Variants in ITGB7 observed in about 807,000 individuals in gnomAD.
The protein encoded by ITGB7 is integrin beta-7.
In ITGB7, 55 loss-of-function variants were observed where a neutral mutation model predicts 83.4. The observed-to-expected ratio is 0.66, with a 90% CI of 0.53 to 0.83. The LOEUF (loss-of-function observed/expected upper bound fraction) is 0.83. Ranked by LOEUF, ITGB7 falls within the 40% of genes least tolerant of loss-of-function variation. ITGB7 has a pLI of 0.00. For synonymous variants in ITGB7, 454 were observed against 423.6 expected, an observed-to-expected ratio of 1.07 and a Z score of -0.88; for missense variants, 921 against 1,046.7, an observed-to-expected ratio of 0.88 and a Z score of 1.66.
chr12:53,203,151 T>C (rs755269657), intron 1 of ITGB7, among the ~76,000 whole-genome samples: 1 of 152,166 alleles, frequency 6.6e-6, no homozygotes, highest in Non-Finnish European at 1.5e-5. Context: ...ACCCACAGAA[T>C]GGGAGAAAAT....
At chr12:53,194,095 C>T (rs1472492435) in intron 10 of ITGB7, 103 bp downstream of exon 10, 2 of 1,520,394 alleles carry the variant, frequency 1.3e-6, no homozygotes, top group Non-Finnish European at 1.8e-6. Flanking sequence ...ACCTCAGGCT[C>T]TCATGTCACT....
chr12:53,198,187 CG>C (rs1485212003), intron 3 of ITGB7, among the ~76,000 whole-genome samples: 1 of 152,126 alleles, frequency 6.6e-6, no homozygotes, highest in Non-Finnish European at 1.5e-5. Flanking sequence ...TGGAGTGCTG[CG>C]GTGCTATCTC....
At chr12:53,193,014 A>T in intron 12 of ITGB7, 104 bp from the exon 13 acceptor site, 1 of 1,370,028 alleles carries the variant, frequency 7.3e-7, no homozygotes, top group Non-Finnish European at 1.0e-6. Context: ...AAGTATGCCA[A>T]CCACACCCTC....
rs866331326 is a variant in ITGB7 at position 53,191,474 on chromosome 12, T to C, written c.*82A>G. The C allele has an allele frequency of 1.3e-4, 148 of 1,136,562 alleles. No individual in the cohort carries two copies. In the African/African-American group the frequency reaches 1.9e-3, roughly 15 times the overall value. The allele number at this position is 1,136,562 out of a possible 1,614,324, so 70.4% of individuals were successfully genotyped here. ...AGTGAATTAGTCCCCTACCAAGGTC[T>C]TACAGACCCACCCTTCCTCTCACCC... is the stretch of plus-strand genomic sequence containing the variant. On this transcript the variant is annotated 3_prime_UTR_variant, in exon 16 of 16. Coordinates refer to ENST00000267082, the MANE Select transcript of ITGB7 (RefSeq NM_000889.3).
intron 1 of ITGB7, among the ~76,000 whole-genome samples, chr12:53,204,833 C>CT (rs763869314): frequency 0.044 from 5,713 of 128,990 alleles, 237 homozygotes; most frequent in African/African-American, 0.087. Context: ...TTTTCTTTAC[C>CT]TTTTTTTTTT....
chr12:53,194,158 TC>T, intron 10 of ITGB7, 39 bp downstream of exon 10: 1 of 1,611,308 alleles, frequency 6.2e-7, no homozygotes, highest in African/African-American at 1.3e-5. Flanking sequence ...CACTCCCACC[TC>T]CCCCTGCCCG....
chr12:53,202,607 A>G (rs867063021), intron 1 of ITGB7, among the ~76,000 whole-genome samples: 79 of 151,668 alleles, frequency 5.2e-4, no homozygotes, highest in Admixed American at 1.3e-3. Context: ...CACCTGCCTC[A>G]GGCTCCCAAA....
chr12:53,192,633 G>A, intron 13 of ITGB7, 58 bp downstream of exon 13: 1 of 1,597,496 alleles, frequency 6.3e-7, no homozygotes, highest in Non-Finnish European at 8.6e-7. Context: ...GCAGATGGGA[G>A]TAGCTCAACA....
At position 53,193,817 on chromosome 12, in the gene ITGB7, C is replaced by G. The variant is rs776099541; in HGVS notation, c.1393G>C (p.Glu465Gln). ...LRLRALGFSE[E>Q]LIVELHTLCD... Reference sequence around the variant, plus strand: ...AGCGTGTGCAACTCCACAATCAGCTCCTCTGAGAAGCCAAGGGCCCGGAGC... The same window carrying G: ...AGCGTGTGCAACTCCACAATCAGCTGCTCTGAGAAGCCAAGGGCCCGGAGC... The change falls in exon 11 of 16, where the codon GAG becomes CAG. Residue 465 changes from glutamate to glutamine, a missense_variant. Coordinates refer to ENST00000267082, the MANE Select transcript of ITGB7 (RefSeq NM_000889.3). 6.2e-7 allele frequency: 1 copy of G among 1,614,070 alleles called. No homozygotes were observed. Among genetic ancestry groups the G allele is most frequent in the Non-Finnish European group, 8.5e-7 (1 of 1,180,006 alleles).
chr12:53,194,374 GT>G, intron 9 of ITGB7, 30 bp from the exon 10 acceptor site: 1 of 1,611,492 alleles, frequency 6.2e-7, no homozygotes, highest in Non-Finnish European at 8.5e-7. Context: ...GGATAACCAC[GT>G]GAAGGCAGAA....
intron 9 of ITGB7, 128 bp downstream of exon 9, chr12:53,195,242 ATAGG>A (rs1565702002): frequency 1.2e-5 from 8 of 677,402 alleles, no homozygotes; most frequent in African/African-American, 1.8e-5. Flanking sequence ...CATGCAGACT[ATAGG>A]TAGGAGCTGT....
chr12:53,192,263 C>G, intron 14 of ITGB7, 67 bp downstream of exon 14: 2 of 1,514,890 alleles, frequency 1.3e-6, no homozygotes, highest in South Asian at 1.1e-5. Flanking sequence ...TATCTTCACT[C>G]TGCATCCCCA....
chr12:53,191,851 C>T lies in ITGB7; in HGVS notation c.2316+8G>A. 2 of 1,613,434 alleles carry T rather than the reference C, an allele frequency of 1.2e-6. No homozygotes were observed. The highest frequency in any genetic ancestry group is 1.7e-6 in the Non-Finnish European group (2 of 1,179,982). On this transcript the variant is annotated splice_region_variant and intron_variant, in intron 15 of 15. Transcript: ENST00000267082. ...CTAAAAAGGGGCCTAACCAGGAAGT[C>T]TCCTCACCTGCTTCCAGTTGAGTTG...
At chr12:53,201,275 G>T (rs551626921) in intron 1 of ITGB7, 81 bp from the exon 2 acceptor site, 1 of 152,324 alleles carries the variant, frequency 6.6e-6, no homozygotes, top group African/African-American at 2.4e-5. Context: ...AGAGAAGAGG[G>T]TCAGTGACTG....
chr12:53,194,872 C>T (rs1015821251), intron 9 of ITGB7: 6 of 169,792 alleles, frequency 3.5e-5, no homozygotes, highest in South Asian at 1.4e-4. Context: ...AAGAATAGCT[C>T]TGAATTATTT....
At chr12:53,197,378 T>G (rs754137150) in intron 5 of ITGB7, 115 bp downstream of exon 5, 22 of 1,194,694 alleles carry the variant, frequency 1.8e-5, no homozygotes, top group Non-Finnish European at 7.5e-6. Flanking sequence ...TGGCTAGGCC[T>G]GTCAACAACT....
Position 53,196,064 on chromosome 12 carries a change from G to A in ITGB7, c.952C>T (p.Leu318Phe), listed in dbSNP as rs375565174. ...ACAAACTCTGTGCTGCGACTGTAGA[G>A]GCCATTGCTGTCCAAGTGGCAGTGC... Reference protein sequence around the residue: ...DGHCHLDSNGLYSRSTEFDYP... With the variant: ...DGHCHLDSNGFYSRSTEFDYP... Residue 318 changes from leucine to phenylalanine, a missense_variant, in exon 7 of 16, where the codon CTC becomes TTC. By Grantham distance (22) the Leu-to-Phe change is conservative. Transcript: ENST00000267082. 13 of 1,614,160 alleles carry A rather than the reference G, an allele frequency of 8.1e-6. No individual in the cohort carries two copies. In the African/African-American group the frequency reaches 1.1e-4, roughly 13 times the overall value.
chr12:53,193,421 G>T, intron 11 of ITGB7, 58 bp from the exon 12 acceptor site: 3 of 1,271,210 alleles, frequency 2.4e-6, no homozygotes, highest in Non-Finnish European at 3.2e-6. Context: ...CCCCTGACTT[G>T]TCTCTCCCAG....
intron 10 of ITGB7, 60 bp from the exon 11 acceptor site, chr12:53,193,961 T>A: frequency 6.8e-7 from 1 of 1,476,496 alleles, no homozygotes; most frequent in Non-Finnish European, 9.3e-7. Context: ...TACCCCAAAC[T>A]CACCAATCAT....
Sources: gnomAD v4.1 joint callset for allele counts (sites outside exome capture counted in the v4.1 genomes callset) on GRCh38, gnomAD v4.1.1 for gene constraint, MANE v1.5 for transcripts, NCBI Gene and HGNC (gene_info 2026-07-23, HGNC 2026-07-21) for gene names.